TMPRSS6: variants seen among roughly 807,000 people sequenced by gnomAD.
TMPRSS6 encodes the protein transmembrane protease serine 6.
Under a neutral mutation model 101.5 loss-of-function variants are expected in TMPRSS6, and 67 were observed. The ratio of observed to expected loss-of-function variants is 0.66; its 90% CI spans 0.54 to 0.81. TMPRSS6 has a LOEUF of 0.81. TMPRSS6 is among the 30% of genes least tolerant of loss of function. The pLI, the probability that TMPRSS6 is intolerant of heterozygous loss-of-function variation, is 0.00. For synonymous variants in TMPRSS6, 453 were observed against 464.9 expected, an observed-to-expected ratio of 0.97 and a Z score of 0.33; for missense variants, 1,034 against 1,088.7, an observed-to-expected ratio of 0.95 and a Z score of 0.71.
At chr22:37,109,083 G>A (rs996444673) in intron 1 of TMPRSS6, among the ~76,000 whole-genome samples, 2 of 152,150 alleles carry the variant, frequency 1.3e-5, no homozygotes, top group Admixed American at 6.5e-5. Context: ...AGGGTCCTGG[G>A]CTTAAGTCAG....
chr22:37,091,148 A>C (rs1392618735), intron 6 of TMPRSS6, among the ~76,000 whole-genome samples: 2 of 152,214 alleles, frequency 1.3e-5, no homozygotes, highest in Non-Finnish European at 2.9e-5. Context: ...TGTTCGATCT[A>C]GGCACCAGGG....
At position 37,071,035 on chromosome 22, in the gene TMPRSS6, G is replaced by A; in HGVS notation, c.1556-3C>T. 1 of 1,611,524 alleles carries A rather than the reference G, an allele frequency of 6.2e-7. No homozygotes were observed. The highest frequency in any genetic ancestry group is 2.2e-5 in the East Asian group (1 of 44,780). ...GGTGAATGTCCCACATGGCACCCCT[G>A]GGACAGAGGGGATGGGGGCAGGGCA... On this transcript the variant is annotated splice_region_variant and splice_polypyrimidine_tract_variant and intron_variant, in intron 13 of 17. Coordinates refer to ENST00000676104, the MANE Select transcript of TMPRSS6 (RefSeq NM_001374504.1).
At position 37,089,766 on chromosome 22, in the gene TMPRSS6, G is replaced by C; in HGVS notation, c.648C>G (p.Ser216Arg). The C allele has an allele frequency of 5.6e-6, 9 of 1,612,338 alleles. No homozygotes were observed. Among genetic ancestry groups the C allele is most frequent in the Non-Finnish European group, 7.6e-6 (9 of 1,179,706 alleles). The change falls in exon 7 of 18, where the codon AGC (serine) becomes AGG (arginine). Residue 216 changes from serine (S) to arginine (R), a missense_variant. Coordinates refer to ENST00000676104, the MANE Select transcript of TMPRSS6 (RefSeq NM_001374504.1). ...LNSTLGCYRYSYVGQGQVLRL... is the reference protein window; with the variant it reads ...LNSTLGCYRYRYVGQGQVLRL... ...GGAGGACCTGGCCCTGGCCCACGTA[G>C]CTGTAGCGGTAACAACCTGGAGCGG...
At chr22:37,072,795 ATGAT>A (rs1308205000) in intron 13 of TMPRSS6, among the ~76,000 whole-genome samples, 82 of 141,620 alleles carry the variant, frequency 5.8e-4, no homozygotes, top group Non-Finnish European at 8.7e-4. Flanking sequence ...GGACGGATGG[ATGAT>A]GGATGGATGG....
chr22:37,089,005 C>T (rs1376682698), intron 7 of TMPRSS6, among the ~76,000 whole-genome samples: 1 of 152,154 alleles, frequency 6.6e-6, no homozygotes, highest in Non-Finnish European at 1.5e-5. Flanking sequence ...TCTGCTCTTA[C>T]ATTTAATCCG....
chr22:37,081,805 C>T (rs1488683962), intron 10 of TMPRSS6, among the ~76,000 whole-genome samples: 2 of 152,242 alleles, frequency 1.3e-5, no homozygotes, highest in Non-Finnish European at 2.9e-5. Flanking sequence ...CCAGTTTCCC[C>T]ACCTGTACCA....
In TMPRSS6 at chr22:37,100,038, G is replaced by A. The variant is rs544781169; in HGVS notation, c.203-1489C>T. Among the ~76,000 whole-genome samples the A allele has an allele frequency of 2.6e-5, 4 of 152,266 alleles. No homozygotes were observed. In the South Asian group the frequency reaches 8.3e-4, roughly 32 times the overall value. ...CTTGGAGTGCAATGGCTCAATCTCC[G>A]CTCACCACAACCTCTGCCTCCCGGG... On this transcript the variant is annotated intron_variant, in intron 2 of 17. Transcript: ENST00000676104.
rs767339186 is a variant in TMPRSS6, at chr22:37,070,948, T to C, written c.1640A>G (p.Asp547Gly). The stretch of plus-strand genomic sequence containing the variant: ...CTCCTCATCCGAGCCGTCCCTGCAG[T>C]CGGGCCGCCCATCACACTGCGGGTT... ...KPNPQCDGRP[D>G]CRDGSDEEHC... The change falls in exon 14 of 18, where the codon GAC becomes GGC. Residue 547 changes from aspartate to glycine, a missense_variant. Coordinates refer to ENST00000676104, the MANE Select transcript of TMPRSS6 (RefSeq NM_001374504.1). 1 of 1,613,246 alleles carries C rather than the reference T, an allele frequency of 6.2e-7. No individual in the cohort carries two copies. Among genetic ancestry groups the C allele is most frequent in the East Asian group, 2.2e-5 (1 of 44,856 alleles).
rs767969818 is a variant in TMPRSS6, at chr22:37,066,695, G to C, written c.2250+131C>G. On this transcript the variant is annotated intron_variant, in intron 17 of 17. Transcript: ENST00000676104. ...CCCAGTCTCCTCTTCTGTAAAGTAG[G>C]GGTGGCCATCACCACCTTGCTGGGA... 4.6e-4 allele frequency: 555 copies of C among 1,207,518 alleles called. 1 individual carries two copies. The highest frequency in any genetic ancestry group is 1.5e-3 in the Middle Eastern group (6 of 4,068). 74.8% of individuals were successfully genotyped at this position (1,207,518 alleles called of 1,614,324 possible).
intron 6 of TMPRSS6, among the ~76,000 whole-genome samples, chr22:37,094,422 G>GATAT (rs764129253): frequency 6.7e-6 from 1 of 149,298 alleles, no homozygotes; most frequent in African/African-American, 2.5e-5. Context: ...TAGATAGATA[G>GATAT]ATAGATATAA....
At chr22:37,074,509 C>G in intron 12 of TMPRSS6, 101 bp downstream of exon 12, 1 of 1,114,932 alleles carries the variant, frequency 9.0e-7, no homozygotes, top group South Asian at 1.4e-5. Context: ...ATAATGGAAG[C>G]TGCATGTAGA....
intron 10 of TMPRSS6, chr22:37,082,683 C>T (rs1157733191): frequency 3.1e-6 from 1 of 320,530 alleles, no homozygotes; most frequent in East Asian, 8.9e-5. Flanking sequence ...ATCACTGAAC[C>T]AGCATGTCAC....
At chr22:37,095,786 T>A (rs565858027) in intron 5 of TMPRSS6, 120 bp downstream of exon 5, 28 of 1,392,312 alleles carry the variant, frequency 2.0e-5, no homozygotes, top group Non-Finnish European at 2.8e-5. Context: ...TGGGGGGCTC[T>A]CCTGGGGGGC....
At chr22:37,087,520 G>A (rs568099285) in intron 7 of TMPRSS6, among the ~76,000 whole-genome samples, 54 of 152,230 alleles carry the variant, frequency 3.5e-4, no homozygotes, top group Admixed American at 2.5e-3. Flanking sequence ...CCCAGGGTCC[G>A]GGGATGGGGC....
intron 2 of TMPRSS6, among the ~76,000 whole-genome samples, chr22:37,102,153 C>G (rs1030666880): frequency 6.6e-6 from 1 of 152,218 alleles, no homozygotes; most frequent in African/African-American, 2.4e-5. Context: ...GAGATTCAGC[C>G]AGTAAGAGCA....
At position 37,090,734 on chromosome 22, in the gene TMPRSS6, C is replaced by T. The variant is rs1287694748; in HGVS notation, c.632-952G>A. Among the ~76,000 whole-genome samples the T allele has an allele frequency of 2.6e-5, 4 of 152,276 alleles. No homozygotes were observed. In the South Asian group the frequency reaches 6.2e-4, roughly 24 times the overall value. ...TGCTTTCCTCATCTATAGAATGGGACGATAACACCACCCTTGCAGGGCCGC... is the reference window on the plus strand; with the variant it reads ...TGCTTTCCTCATCTATAGAATGGGATGATAACACCACCCTTGCAGGGCCGC... On this transcript the variant is annotated intron_variant, in intron 6 of 17. Coordinates refer to ENST00000676104, the MANE Select transcript of TMPRSS6 (RefSeq NM_001374504.1).
chr22:37,094,832 C>T (rs1194659312), intron 6 of TMPRSS6, among the ~76,000 whole-genome samples: 1 of 152,196 alleles, frequency 6.6e-6, no homozygotes, highest in Admixed American at 6.5e-5. Context: ...GAGACGCTCA[C>T]CCCCACCTTG....
At chr22:37,102,212 G>A (rs1370003109) in intron 2 of TMPRSS6, among the ~76,000 whole-genome samples, 1 of 152,226 alleles carries the variant, frequency 6.6e-6, no homozygotes, top group Non-Finnish European at 1.5e-5. Context: ...GATCACGCAG[G>A]CATCTGGGTT....
chr22:37,071,643 CTG>C (rs1568998407), intron 13 of TMPRSS6, among the ~76,000 whole-genome samples: 1 of 152,250 alleles, frequency 6.6e-6, no homozygotes, highest in Non-Finnish European at 1.5e-5. Context: ...TGCATCTCTG[CTG>C]TTTTATTCTC....
Sources: allele counts gnomAD v4.1 joint callset (sites outside exome capture counted in the v4.1 genomes callset), GRCh38; gene constraint gnomAD v4.1.1; transcripts MANE v1.5; gene names NCBI Gene and HGNC (gene_info 2026-07-23, HGNC 2026-07-21).